LRRC58: variants seen among roughly 807,000 people sequenced by gnomAD.
LRRC58 encodes leucine rich repeat containing 58.
LRRC58 carries 18 observed loss-of-function variants against 30.6 expected under a neutral mutation model. That is an observed-to-expected ratio of 0.59 (90% CI 0.41 to 0.87). The LOEUF is 0.87. Ranked by LOEUF, LRRC58 falls within the 40% of genes least tolerant of loss-of-function variation. The pLI is 0.00. For synonymous variants in LRRC58, 221 were observed against 206.0 expected, an observed-to-expected ratio of 1.07 and a Z score of -0.62; for missense variants, 420 against 468.4, an observed-to-expected ratio of 0.90 and a Z score of 0.95.
At position 120,349,116 on chromosome 3, in the gene LRRC58, C is replaced by G; in HGVS notation, c.128G>C (p.Arg43Pro). 6 of 1,508,714 alleles carry G rather than the reference C, an allele frequency of 4.0e-6. No individual in the cohort carries two copies. The highest frequency in any genetic ancestry group is 4.4e-6 in the Non-Finnish European group (5 of 1,137,128). The allele number at this position is 1,508,714 out of a possible 1,614,324, so 93.5% of individuals were successfully genotyped here. Residue 43 changes from arginine to proline, a missense_variant, in exon 1 of 4, where the codon CGG (arginine) becomes CCG (proline). Arg to Pro is a moderately radical substitution (Grantham distance 103). Around this residue, in one of 2 missense-constraint regions of LRRC58, gnomAD observed 266 missense variants for 251.7 expected, o/e 1.06. Coordinates refer to ENST00000295628, the MANE Select transcript of LRRC58 (RefSeq NM_001099678.2). ...CAGCAGCAGCCGCAGCAGCGCCTCCCGCGCCCCGCGCCGCTCCTCCCCCCG... is the reference window on the plus strand; with the variant it reads ...CAGCAGCAGCCGCAGCAGCGCCTCCGGCGCCCCGCGCCGCTCCTCCCCCCG... Reference protein sequence around the residue: ...EARGEERRGAREALLRLLLPH... With the variant: ...EARGEERRGAPEALLRLLLPH...
chr3:120,326,673 A>C lies in LRRC58; in HGVS notation c.*4527T>G, dbSNP rs1285891721. The C allele has an allele frequency of 6.6e-6, 1 of 152,234 alleles. No homozygotes were observed. The highest frequency in any genetic ancestry group is 2.4e-5 in the African/African-American group (1 of 41,464). The allele number at this position is 152,234 out of a possible 1,614,324, so 9.4% of individuals were successfully genotyped here. On this transcript the variant is annotated 3_prime_UTR_variant, in exon 4 of 4. Transcript: ENST00000295628. ...GACTAAATGGGGAGTAACATTCATA[A>C]TGACAATAAAATCTCTACCTCTGGA...
At chr3:120,345,282 G>A (rs1935954417) in intron 1 of LRRC58, among the ~76,000 whole-genome samples, 2 of 152,156 alleles carry the variant, frequency 1.3e-5, no homozygotes, top group Non-Finnish European at 2.9e-5. Flanking sequence ...AGTTTTCATG[G>A]ATTATATAGT....
At chr3:120,348,575 G>C (rs1470634718) in intron 1 of LRRC58, among the ~76,000 whole-genome samples, 169 bp downstream of exon 1, 1 of 152,260 alleles carries the variant, frequency 6.6e-6, no homozygotes, top group East Asian at 1.9e-4. Flanking sequence ...GAACATACTA[G>C]GTATTTACAA....
chr3:120,348,439 C>A (rs531163050), intron 1 of LRRC58, among the ~76,000 whole-genome samples: 1 of 152,206 alleles, frequency 6.6e-6, no homozygotes, highest in Non-Finnish European at 1.5e-5. Flanking sequence ...GTGACAACCT[C>A]TGATTTACAT....
In LRRC58 at chr3:120,331,092, T is replaced by G. The variant is rs1935748838; in HGVS notation, c.*108A>C. The G allele has an allele frequency of 2.1e-6, 2 of 932,420 alleles. No homozygotes were observed. The highest frequency in any genetic ancestry group is 1.7e-6 in the Non-Finnish European group (1 of 595,526). 57.8% of individuals were successfully genotyped at this position (932,420 alleles called of 1,614,324 possible). ...TTTTATATCATCCCAGACTCTTTGATGAACACTTAAGATGAAGATAAGATT... is the reference window on the plus strand; with the variant it reads ...TTTTATATCATCCCAGACTCTTTGAGGAACACTTAAGATGAAGATAAGATT... On this transcript the variant is annotated 3_prime_UTR_variant, in exon 4 of 4. Coordinates refer to ENST00000295628, the MANE Select transcript of LRRC58 (RefSeq NM_001099678.2).
Position 120,327,692 on chromosome 3 carries a change from AAC to A in LRRC58, c.*3506_*3507del, listed in dbSNP as rs1935700897. ...ACTGCTTTTTACTTTAATTTACACA[AAC>A]ACAAAAACTGCTCAAATTTGAGGTA... is the stretch of plus-strand genomic sequence containing the variant. On this transcript the variant is annotated 3_prime_UTR_variant, in exon 4 of 4. Transcript: ENST00000295628. 6.6e-6 allele frequency: 1 copy of A among 152,208 alleles called. No individual in the cohort carries two copies. Among genetic ancestry groups the A allele is most frequent in the Non-Finnish European group, 1.5e-5 (1 of 68,034 alleles). The allele number at this position is 152,208 out of a possible 1,614,324, so 9.4% of individuals were successfully genotyped here.
intron 1 of LRRC58, among the ~76,000 whole-genome samples, chr3:120,346,702 CCTCTAAATCTTTTCT>C (rs1935972708): frequency 1.3e-5 from 2 of 152,244 alleles, no homozygotes; most frequent in Admixed American, 1.3e-4. Flanking sequence ...GTCAATTTTA[CCTCTAAATCTTTTCT>C]CGAAATCTTC....
chr3:120,337,270 C>G (rs1935847782), intron 1 of LRRC58, among the ~76,000 whole-genome samples: 1 of 152,144 alleles, frequency 6.6e-6, no homozygotes, highest in Non-Finnish European at 1.5e-5. Flanking sequence ...TTTGCCAACA[C>G]CTAGTATTAT....
intron 1 of LRRC58, among the ~76,000 whole-genome samples, chr3:120,342,603 C>A (rs1935917860): frequency 6.6e-6 from 1 of 152,182 alleles, no homozygotes; most frequent in Non-Finnish European, 1.5e-5. Flanking sequence ...GAGAGCTGAA[C>A]ACTTGAAGGG....
In LRRC58 at chr3:120,331,316, C is replaced by A. The variant is rs76906770; in HGVS notation, c.1000G>T (p.Glu334Ter). The part of the protein sequence containing the change: ...LPLMHYLCSP[E>*]CSSPCSSASH... ...GCAGAACTGCAAGGGGAAGAACATT[C>A]TGGTGAACACAAGTAGTGCATCAGT... Residue 334 changes from glutamate (E) to a stop codon, truncating the protein, a stop_gained, in exon 4 of 4, where the codon GAA becomes TAA. Transcript: ENST00000295628. LOFTEE classifies it high-confidence loss of function. 3 of 1,613,974 alleles carry A rather than the reference C, an allele frequency of 1.9e-6. No individual in the cohort carries two copies. The highest frequency in any genetic ancestry group is 1.7e-6 in the Non-Finnish European group (2 of 1,179,866).
In LRRC58 at chr3:120,331,386, G is replaced by T; in HGVS notation, c.930C>A (p.Val310=). The change falls in exon 4 of 4, where the codon GTC becomes GTA. Residue 310 remains valine, a synonymous_variant. Transcript: ENST00000295628. The part of the protein sequence containing the change: ...KCGGVYFDCC[V]RQIKFVDFCG... ...AGAAGTCCACAAATTTAATTTGTCT[G>T]ACACAGCAGTCAAAGTAGACTCCTA... 6.2e-7 allele frequency: 1 copy of T among 1,613,508 alleles called. No individual in the cohort carries two copies. Among genetic ancestry groups the T allele is most frequent in the South Asian group, 1.1e-5 (1 of 91,054 alleles).
intron 3 of LRRC58, among the ~76,000 whole-genome samples, chr3:120,333,699 G>T (rs1240648785): frequency 1.3e-5 from 2 of 152,126 alleles, no homozygotes; most frequent in African/African-American, 4.8e-5. Flanking sequence ...AGTGAAAAAT[G>T]ACCTACTATC....
In LRRC58 at chr3:120,335,916, C is replaced by T. The variant is rs1372917308; in HGVS notation, c.538G>A (p.Glu180Lys). ...AGATTTCCTAATTCTGGTGGGATTTCTTTAATGAAATTTCCTCCAAGATAT... is the reference window on the plus strand; with the variant it reads ...AGATTTCCTAATTCTGGTGGGATTTTTTTAATGAAATTTCCTCCAAGATAT... ...CLYLGGNFIK[E>K]IPPELGNLPS... The change falls in exon 2 of 4, where the codon GAA (glutamate) becomes AAA (lysine). Residue 180 changes from glutamate to lysine, a missense_variant. By Grantham distance (56) the Glu-to-Lys change is moderately conservative. Around this residue, in one of 2 missense-constraint regions of LRRC58, gnomAD observed 266 missense variants for 251.7 expected, o/e 1.06. Coordinates refer to ENST00000295628, the MANE Select transcript of LRRC58 (RefSeq NM_001099678.2). 1.9e-6 allele frequency: 3 copies of T among 1,596,892 alleles called. No homozygotes were observed. The highest frequency in any genetic ancestry group is 2.7e-5 in the African/African-American group (2 of 74,508).
At chr3:120,341,081 G>A (rs1162675516) in intron 1 of LRRC58, among the ~76,000 whole-genome samples, 1 of 152,126 alleles carries the variant, frequency 6.6e-6, no homozygotes, top group African/African-American at 2.4e-5. Flanking sequence ...AAAGTCAACT[G>A]GTTATAAGAT....
chr3:120,336,223 G>A (rs956702005), intron 1 of LRRC58, among the ~76,000 whole-genome samples: 2 of 152,090 alleles, frequency 1.3e-5, no homozygotes, highest in African/African-American at 4.8e-5. Context: ...AAATAAGAGA[G>A]ACAAACCATA....
In LRRC58 at chr3:120,331,414, GAGA is replaced by G; in HGVS notation, c.908-9_908-7del. On this transcript the variant is annotated splice_polypyrimidine_tract_variant and splice_region_variant and intron_variant, in intron 3 of 3. Transcript: ENST00000295628. ...ACAGCAGTCAAAGTAGACTCCTAAA[GAGA>G]AGAAGGAATAGAAAGTAATCATTAC... 2 of 1,603,906 alleles carry G rather than the reference GAGA, an allele frequency of 1.2e-6. No homozygotes were observed. The highest frequency in any genetic ancestry group is 1.7e-6 in the Non-Finnish European group (2 of 1,170,850).
At chr3:120,346,118 G>GT (rs1297705299) in intron 1 of LRRC58, among the ~76,000 whole-genome samples, 1 of 152,114 alleles carries the variant, frequency 6.6e-6, no homozygotes, top group Non-Finnish European at 1.5e-5. Context: ...ATTAGCTGGC[G>GT]TGATGGCACG....
Position 120,332,219 on chromosome 3 carries a change from T to A in LRRC58, c.908-811A>T, listed in dbSNP as rs72956877. ...CAGAACATCTAGAATTTTGGTCCAATCACCTCTCTGGAGAGGAATCTCAAG... is the reference window on the plus strand; with the variant it reads ...CAGAACATCTAGAATTTTGGTCCAAACACCTCTCTGGAGAGGAATCTCAAG... On this transcript the variant is annotated intron_variant, in intron 3 of 3. Coordinates refer to ENST00000295628, the MANE Select transcript of LRRC58 (RefSeq NM_001099678.2). Among the ~76,000 whole-genome samples, 1,485 of 152,336 alleles carry A rather than the reference T, an allele frequency of 9.7e-3. 29 individuals are homozygous for A. The highest frequency in any genetic ancestry group is 0.035 in the African/African-American group (1,438 of 41,564).
intron 2 of LRRC58, 57 bp downstream of exon 2, chr3:120,335,768 G>A: frequency 2.2e-6 from 3 of 1,384,750 alleles, no homozygotes; most frequent in Non-Finnish European, 3.0e-6. Flanking sequence ...GTGAATACAA[G>A]ACAATAATTA....
Sources: gnomAD v4.1 joint callset for allele counts (sites outside exome capture counted in the v4.1 genomes callset) on GRCh38, gnomAD v4.1.1 for gene constraint, gnomAD v4.1.1 regional missense constraint, MANE v1.5 for transcripts, NCBI Gene and HGNC (gene_info 2026-07-23, HGNC 2026-07-21) for gene names.